ACBD6: variants seen among roughly 807,000 people sequenced by gnomAD.
ACBD6 encodes the protein acyl-CoA-binding domain-containing protein 6.
In ACBD6, 28 loss-of-function variants were observed where a neutral mutation model predicts 37.2. That is an observed-to-expected ratio of 0.75 (90% CI 0.56 to 1.03). ACBD6 has a LOEUF of 1.03. ACBD6 is among the 50% of genes least tolerant of loss of function. The probability of loss-of-function intolerance (pLI) is 0.00; values close to 1 mark genes in which losing one functional copy is unlikely to be tolerated. For missense variants in ACBD6, 340 were observed against 337.4 expected (o/e 1.01, Z -0.06); for synonymous variants, 113 against 126.8 (o/e 0.89, Z 0.73).
At chr1:180,398,116 C>G (rs1189274123) in intron 5 of ACBD6, among the ~76,000 whole-genome samples, 1 of 151,900 alleles carries the variant, frequency 6.6e-6, no homozygotes, top group East Asian at 1.9e-4. Flanking sequence ...ATAGGAAGCC[C>G]CAATATCTAC....
chr1:180,440,093 T>C (rs1649219535), intron 3 of ACBD6, among the ~76,000 whole-genome samples: 1 of 152,058 alleles, frequency 6.6e-6, no homozygotes, highest in African/African-American at 2.4e-5. Context: ...TTTGTTTATT[T>C]GGAAAAAGTT....
chr1:180,351,393 G>A (rs980947687), intron 6 of ACBD6, among the ~76,000 whole-genome samples: 10 of 150,816 alleles, frequency 6.6e-5, no homozygotes, highest in Non-Finnish European at 1.0e-4. Flanking sequence ...CTCCTGCCTC[G>A]GCCTCCCGAC....
intron 7 of ACBD6, among the ~76,000 whole-genome samples, chr1:180,299,582 A>G (rs1477622051): frequency 6.6e-6 from 1 of 150,564 alleles, no homozygotes; most frequent in Admixed American, 6.6e-5. Flanking sequence ...TATTTTATTT[A>G]TTTTCACTCT....
chr1:180,494,939 G>A (rs1342249130), intron 2 of ACBD6, among the ~76,000 whole-genome samples: 3 of 152,072 alleles, frequency 2.0e-5, no homozygotes, highest in Non-Finnish European at 4.4e-5. Context: ...TCTGGTTTTG[G>A]CTTTTCACTG....
chr1:180,363,144 AC>A (rs1652909840), intron 6 of ACBD6, among the ~76,000 whole-genome samples: 1 of 152,212 alleles, frequency 6.6e-6, no homozygotes, highest in African/African-American at 2.4e-5. Flanking sequence ...GTTAAAGACC[AC>A]TGTTGTGAGA....
At chr1:180,435,186 A>C in intron 3 of ACBD6, 1 of 680,992 alleles carries the variant, frequency 1.5e-6, no homozygotes, top group Non-Finnish European at 2.7e-6. Context: ...GGATTTCAAC[A>C]TCGCTGGCCT....
At chr1:180,400,069 G>A (rs1208740800) in intron 5 of ACBD6, among the ~76,000 whole-genome samples, 1 of 152,108 alleles carries the variant, frequency 6.6e-6, no homozygotes, top group African/African-American at 2.4e-5. Context: ...TGACCCAATA[G>A]GGTTATATCA....
chr1:180,470,461 GAA>G (rs1474262057), intron 3 of ACBD6, among the ~76,000 whole-genome samples: 2 of 152,230 alleles, frequency 1.3e-5, no homozygotes, highest in South Asian at 4.1e-4. Flanking sequence ...GGTGCTATAG[GAA>G]AAAAGTCAAT....
At chr1:180,436,036 G>A (rs1341723507) in intron 3 of ACBD6, 1 of 668,348 alleles carries the variant, frequency 1.5e-6, no homozygotes, top group Non-Finnish European at 2.6e-6. Flanking sequence ...CGTCTGGAAT[G>A]CAAGTATTGC....
At chr1:180,496,788 G>A (rs1651758255) in intron 1 of ACBD6, among the ~76,000 whole-genome samples, 1 of 152,262 alleles carries the variant, frequency 6.6e-6, no homozygotes, top group East Asian at 1.9e-4. Context: ...AGAGAAGAAA[G>A]GGTGAAAAAG....
downstream of ACBD6, chr1:180,288,130 C>T (rs1649563165): frequency 2.0e-6 from 1 of 506,876 alleles, no homozygotes; most frequent in Non-Finnish European, 3.5e-6. Context: ...AGAGCATGCT[C>T]AGCAGAATTG....
At chr1:180,404,850 C>G (rs961730803) in intron 5 of ACBD6, among the ~76,000 whole-genome samples, 2 of 151,936 alleles carry the variant, frequency 1.3e-5, no homozygotes, top group African/African-American at 4.8e-5. Flanking sequence ...TAAAAAATAC[C>G]CAAAATAAGT....
intron 7 of ACBD6, among the ~76,000 whole-genome samples, chr1:180,296,539 C>T (rs573546509): frequency 5.8e-4 from 88 of 152,260 alleles, no homozygotes; most frequent in Admixed American, 1.9e-3. Context: ...AAGCGATTCT[C>T]GTACCTCAGC....
chr1:180,382,654 C>G (rs1176058985), intron 6 of ACBD6, among the ~76,000 whole-genome samples: 4 of 152,128 alleles, frequency 2.6e-5, no homozygotes, highest in Admixed American at 2.0e-4. Flanking sequence ...AGTTCTCAAA[C>G]CATTCTTTAA....
rs112057514 is a variant in ACBD6, at chr1:180,346,633, G to A, written c.664-31911C>T. 3.3e-3 allele frequency among the ~76,000 whole-genome samples: 497 copies of A among 152,320 alleles called. 1 individual carries two copies. Among genetic ancestry groups the A allele is most frequent in the African/African-American group, 0.011 (466 of 41,562 alleles). The stretch of plus-strand genomic sequence containing the variant: ...TGAGAATGAAGACTTATGAAGCCTT[G>A]AGCAGAGGAACCAGATAAGCCATGC... On this transcript the variant is annotated intron_variant, in intron 6 of 7. Transcript: ENST00000367595.
In ACBD6 at chr1:180,502,346, C is replaced by G; in HGVS notation, c.-80G>C. ...GTAAGGCCGGCTTGGAGGCCTGGCC[C>G]ACCAGTCTGGGTCGCGAGCCTGAGC... On this transcript the variant is annotated 5_prime_UTR_variant, in exon 1 of 8. Coordinates refer to ENST00000367595, the MANE Select transcript of ACBD6 (RefSeq NM_032360.4). 6.6e-7 allele frequency: 1 copy of G among 1,508,258 alleles called. No individual in the cohort carries two copies. Among genetic ancestry groups the G allele is most frequent in the Non-Finnish European group, 9.1e-7 (1 of 1,099,986 alleles). The allele number at this position is 1,508,258 out of a possible 1,614,324, so 93.4% of individuals were successfully genotyped here. A position where few individuals can be genotyped will look rare whatever the true frequency, so the allele number is the denominator to read the frequency against.
intron 6 of ACBD6, among the ~76,000 whole-genome samples, chr1:180,385,112 C>A (rs1168523237): frequency 6.6e-6 from 1 of 151,920 alleles, no homozygotes. Flanking sequence ...CTACAGTTAG[C>A]AACAACGCAT....
chr1:180,497,324 T>A (rs1651777526), intron 1 of ACBD6, among the ~76,000 whole-genome samples: 1 of 152,112 alleles, frequency 6.6e-6, no homozygotes, highest in Non-Finnish European at 1.5e-5. Flanking sequence ...GGGGACTGGA[T>A]GTGTGGAAAA....
At chr1:180,435,555 T>A (rs1410280372) in intron 3 of ACBD6, 1 of 939,628 alleles carries the variant, frequency 1.1e-6, no homozygotes. Context: ...CCAGCCTGGA[T>A]GAATTTTGAG....
Sources: allele counts gnomAD v4.1 joint callset (sites outside exome capture counted in the v4.1 genomes callset), GRCh38; gene constraint gnomAD v4.1.1; transcripts MANE v1.5; gene names NCBI Gene and HGNC (gene_info 2026-07-23, HGNC 2026-07-21).